ITPR1: variants seen among roughly 807,000 people sequenced by gnomAD.
ITPR1 encodes inositol 1,4,5-trisphosphate receptor type 1.
Under a neutral mutation model 318.4 loss-of-function variants are expected in ITPR1, and 96 were observed. That is an observed-to-expected ratio of 0.30 (90% CI 0.26 to 0.36). The LOEUF is 0.36. Ranked by LOEUF, ITPR1 falls within the 10% of genes least tolerant of loss-of-function variation. The pLI is 1.00. For synonymous variants in ITPR1, 1,312 were observed against 1,289.9 expected (o/e 1.02, Z -0.37); for missense variants, 2,440 against 3,460.2 (o/e 0.71, Z 7.40).
intron 4 of ITPR1, among the ~76,000 whole-genome samples, chr3:4,531,341 C>G (rs2083396959): frequency 6.6e-6 from 1 of 152,152 alleles, no homozygotes; most frequent in Non-Finnish European, 1.5e-5. Flanking sequence ...TAGATTAGCT[C>G]CGGCAACAAC....
chr3:4,664,917 C>T (rs2093913965), intron 16 of ITPR1, among the ~76,000 whole-genome samples: 1 of 152,194 alleles, frequency 6.6e-6, no homozygotes, highest in African/African-American at 2.4e-5. Context: ...AAGCACTGTG[C>T]TGTTAGGTGT....
chr3:4,678,319 T>G (rs2125223873), intron 24 of ITPR1, among the ~76,000 whole-genome samples: 1 of 152,338 alleles, frequency 6.6e-6, no homozygotes, highest in East Asian at 1.9e-4. Context: ...CAATTTTTTT[T>G]GTCGAGACAA....
chr3:4,653,436 T>A (rs2093640016), intron 11 of ITPR1, among the ~76,000 whole-genome samples: 1 of 152,352 alleles, frequency 6.6e-6, no homozygotes, highest in African/African-American at 2.4e-5. Context: ...ATTTATGTGG[T>A]TTCCTGAAGA....
chr3:4,812,463 C>T (rs2049000272), intron 56 of ITPR1, among the ~76,000 whole-genome samples: 2 of 152,104 alleles, frequency 1.3e-5, no homozygotes, highest in Admixed American at 1.3e-4. Flanking sequence ...ACAGTGAGCT[C>T]ATGTTATTTT....
chr3:4,609,159 G>A (rs1161950403), intron 4 of ITPR1, among the ~76,000 whole-genome samples: 2 of 145,602 alleles, frequency 1.4e-5, no homozygotes, highest in Non-Finnish European at 3.0e-5. Flanking sequence ...TTGGAGGGGT[G>A]GGGTCATTCT....
chr3:4,680,444 G>C, intron 24 of ITPR1, 109 bp from the exon 25 acceptor site: 1 of 930,972 alleles, frequency 1.1e-6, no homozygotes, highest in South Asian at 1.5e-5. Flanking sequence ...TAGTGCTTAA[G>C]GTAATTGATG....
intron 55 of ITPR1, among the ~76,000 whole-genome samples, chr3:4,807,711 A>G (rs1034212501): frequency 1.3e-5 from 2 of 152,208 alleles, no homozygotes; most frequent in African/African-American, 4.8e-5. Context: ...AGGTCTGGCT[A>G]TATTTTGAGG....
chr3:4,788,347 T>C (rs1410975106), intron 52 of ITPR1, among the ~76,000 whole-genome samples: 2 of 152,240 alleles, frequency 1.3e-5, no homozygotes, highest in Non-Finnish European at 2.9e-5. Flanking sequence ...TGAAAAGGCT[T>C]CCTTCATCAG....
chr3:4,641,491 C>CT (rs2093337655), intron 6 of ITPR1, among the ~76,000 whole-genome samples: 1 of 152,206 alleles, frequency 6.6e-6, no homozygotes, highest in Admixed American at 6.5e-5. Flanking sequence ...ATCCTCCCAC[C>CT]TCAACCTCCT....
rs34131722 is a variant in ITPR1 at position 4,600,484 on chromosome 3, T to TTGTG, written c.164-27266_164-27263dup. Among the ~76,000 whole-genome samples the TTGTG allele has an allele frequency of 6.5e-3, 984 of 150,600 alleles. 13 individuals carry two copies. Among genetic ancestry groups the TTGTG allele is most frequent in the South Asian group, 0.057 (273 of 4,766 alleles). ...TACCATCTCTACGGACCTTCCTGTT[T>TTGTG]TGTGTGTGTGTGTGTGCGTGTTTGT... On this transcript the variant is annotated intron_variant, in intron 4 of 61. Transcript: ENST00000649015.
At chr3:4,529,118 C>T (rs974181032) in intron 4 of ITPR1, among the ~76,000 whole-genome samples, 1 of 152,136 alleles carries the variant, frequency 6.6e-6, no homozygotes, top group African/African-American at 2.4e-5. Context: ...TGAAAATGAG[C>T]ATAAGGGAAT....
intron 4 of ITPR1, among the ~76,000 whole-genome samples, chr3:4,580,263 G>C (rs774554510): frequency 5.9e-5 from 9 of 152,112 alleles, no homozygotes; most frequent in Non-Finnish European, 1.0e-4. Flanking sequence ...TATGGTTCAC[G>C]TGCCCTTGAT....
intron 60 of ITPR1, among the ~76,000 whole-genome samples, chr3:4,829,059 A>G (rs1458601948): frequency 1.3e-5 from 2 of 152,246 alleles, no homozygotes; most frequent in Non-Finnish European, 2.9e-5. Context: ...ATACTGATTT[A>G]TAATACTTTT....
At chr3:4,669,957 C>T (rs2094037495) in intron 19 of ITPR1, among the ~76,000 whole-genome samples, 184 bp downstream of exon 19, 1 of 152,150 alleles carries the variant, frequency 6.6e-6, no homozygotes, top group African/African-American at 2.4e-5. Context: ...GGTGTCACCT[C>T]CTCTTCATAG....
Position 4,699,859 on chromosome 3 carries a change from A to G in ITPR1, c.4454A>G (p.Glu1485Gly). 1 of 1,613,596 alleles carries G rather than the reference A, an allele frequency of 6.2e-7. No homozygotes were observed. Among genetic ancestry groups the G allele is most frequent in the East Asian group, 2.2e-5 (1 of 44,872 alleles). ...SDRKHADSILEKYVTEIVMSI... is the reference protein window; with the variant it reads ...SDRKHADSILGKYVTEIVMSI... ...AGGAAACATGCAGACTCGATTTTGG[A>G]GAAGTATGTCACCGAAATCGTCATG... The change falls in exon 35 of 62, where the codon GAG becomes GGG. Residue 1485 changes from glutamate (E) to glycine (G), a missense_variant. Coordinates refer to ENST00000649015, the MANE Select transcript of ITPR1 (RefSeq NM_001378452.1).
At chr3:4,550,244 G>A (rs1280750764) in intron 4 of ITPR1, among the ~76,000 whole-genome samples, 8 of 152,126 alleles carry the variant, frequency 5.3e-5, no homozygotes, top group Admixed American at 5.2e-4. Context: ...TCCAGCACAT[G>A]TGCTGTTTAG....
intron 44 of ITPR1, among the ~76,000 whole-genome samples, chr3:4,745,753 C>G (rs140041210): frequency 3.0e-4 from 45 of 152,270 alleles, no homozygotes; most frequent in African/African-American, 1.1e-3. Flanking sequence ...TGCTCAAATC[C>G]CTGATGGGCA....
At position 4,680,675 on chromosome 3, in the gene ITPR1, G is replaced by A. The variant is rs773714765; in HGVS notation, c.3090G>A (p.Gly1030=). The stretch of plus-strand genomic sequence containing the variant: ...CCTCCGGAAACAGCAGCCAAGAAGG[G>A]CCAAGTAATGTACCAGGTTAGTGAT... The part of the protein sequence containing the change: ...ETSSGNSSQE[G]PSNVPGALDF... Residue 1030 remains glycine, a synonymous_variant, in exon 25 of 62, where the codon GGG becomes GGA. Transcript: ENST00000649015. The A allele has an allele frequency of 3.3e-5, 54 of 1,611,968 alleles. No individual in the cohort carries two copies. Among genetic ancestry groups the A allele is most frequent in the Non-Finnish European group, 4.4e-5 (52 of 1,178,980 alleles).
intron 51 of ITPR1, 139 bp downstream of exon 51, chr3:4,784,059 G>A: frequency 1.7e-6 from 1 of 605,858 alleles, no homozygotes; most frequent in Non-Finnish European, 2.9e-6. Flanking sequence ...CCTGGGCTGG[G>A]TGCTGGACAT....
Sources: gnomAD v4.1 joint callset for allele counts (sites outside exome capture counted in the v4.1 genomes callset) on GRCh38, gnomAD v4.1.1 for gene constraint, MANE v1.5 for transcripts, NCBI Gene and HGNC (gene_info 2026-07-23, HGNC 2026-07-21) for gene names.